The following HS3ST5 variants were observed in gnomAD, a reference collection of about 807,000 sequenced individuals.
The protein encoded by HS3ST5 is heparan sulfate-glucosamine 3-sulfotransferase 5.
In HS3ST5, 10 loss-of-function variants were observed where a neutral mutation model predicts 25.4. The observed-to-expected ratio is 0.39, with a 90% CI of 0.24 to 0.67. The LOEUF is 0.67. Ranked by LOEUF, HS3ST5 falls within the 30% of genes least tolerant of loss-of-function variation. HS3ST5 has a pLI of 0.44. For missense variants in HS3ST5, 324 were observed against 420.7 expected (o/e 0.77, Z 2.01); for synonymous variants, 170 against 162.4 (o/e 1.05, Z -0.36).
rs1772125460 is a variant in HS3ST5 at position 114,241,504 on chromosome 6, T to C, written c.-338-12726A>G. 2.0e-5 allele frequency among the ~76,000 whole-genome samples: 3 copies of C among 152,228 alleles called. No homozygotes were observed. The South Asian group carries it at 6.2e-4, about 32-fold the overall frequency. ...GAGATAAACACAGAGAAAAACAACT[T>C]TTCCATTCAACTTTTTTATCATAAA... On this transcript the variant is annotated intron_variant, in intron 1 of 4. Transcript: ENST00000312719.
chr6:114,229,029 A>G (rs1771444801), intron 1 of HS3ST5, among the ~76,000 whole-genome samples: 1 of 152,188 alleles, frequency 6.6e-6, no homozygotes, highest in Admixed American at 6.5e-5. Flanking sequence ...ATCAGGTGAT[A>G]TCATTACTAA....
chr6:114,254,789 C>T (rs1300923020), intron 1 of HS3ST5, among the ~76,000 whole-genome samples: 3 of 152,054 alleles, frequency 2.0e-5, no homozygotes, highest in South Asian at 2.1e-4. Context: ...CTCACTACCA[C>T]GAGAACAGTA....
At chr6:114,266,607 C>T (rs560099549) in intron 1 of HS3ST5, among the ~76,000 whole-genome samples, 2 of 152,246 alleles carry the variant, frequency 1.3e-5, no homozygotes, top group South Asian at 2.1e-4. Context: ...TTACGAAGAA[C>T]AGAAAACAAC....
intron 2 of HS3ST5, among the ~76,000 whole-genome samples, chr6:114,173,642 T>C (rs142164051): frequency 0.016 from 2,396 of 152,250 alleles, 58 homozygotes; most frequent in African/African-American, 0.054. Context: ...GTGGATCATC[T>C]GAGGTCAGGA....
intron 2 of HS3ST5, among the ~76,000 whole-genome samples, chr6:114,217,080 C>G (rs1038306045): frequency 6.6e-6 from 1 of 152,218 alleles, no homozygotes; most frequent in African/African-American, 2.4e-5. Context: ...ACTATTCTAA[C>G]TGGCCACATT....
rs559604781 is a variant in HS3ST5 at position 114,205,009 on chromosome 6, C to T, written c.-145+23576G>A. Among the ~76,000 whole-genome samples the T allele has an allele frequency of 4.6e-5, 7 of 152,256 alleles. No homozygotes were observed. The East Asian group carries it at 9.7e-4, about 21-fold the overall frequency. On this transcript the variant is annotated intron_variant, in intron 2 of 4. Coordinates refer to ENST00000312719, the MANE Select transcript of HS3ST5 (RefSeq NM_153612.4). ...CTCCATATGCCTTGAACCATGCTCACGGCCTTTTCTTGAGGGCATAGTGAA... is the reference window on the plus strand; with the variant it reads ...CTCCATATGCCTTGAACCATGCTCATGGCCTTTTCTTGAGGGCATAGTGAA...
intron 1 of HS3ST5, among the ~76,000 whole-genome samples, chr6:114,266,120 T>C (rs1773395246): frequency 6.6e-6 from 1 of 152,190 alleles, no homozygotes; most frequent in African/African-American, 2.4e-5. Context: ...CTTCCTATAT[T>C]CTGTTCTCTC....
intron 3 of HS3ST5, among the ~76,000 whole-genome samples, chr6:114,064,724 G>A (rs1773346996): frequency 2.0e-5 from 3 of 152,148 alleles, no homozygotes; most frequent in South Asian, 4.1e-4. Flanking sequence ...CCTACATACA[G>A]GATTAATGCA....
chr6:114,201,607 C>A (rs1014954411), intron 2 of HS3ST5, among the ~76,000 whole-genome samples: 1 of 152,134 alleles, frequency 6.6e-6, no homozygotes, highest in African/African-American at 2.4e-5. Flanking sequence ...GGCTGCATTC[C>A]TCACGTTCTT....
intron 1 of HS3ST5, among the ~76,000 whole-genome samples, chr6:114,241,064 A>T (rs1383681703): frequency 6.6e-6 from 1 of 151,452 alleles, no homozygotes; most frequent in Non-Finnish European, 1.5e-5. Flanking sequence ...TCACAAGGTG[A>T]TTCATACCTT....
intron 1 of HS3ST5, among the ~76,000 whole-genome samples, chr6:114,308,368 G>A (rs375598567): frequency 6.6e-6 from 1 of 152,038 alleles, no homozygotes; most frequent in Non-Finnish European, 1.5e-5. Flanking sequence ...GGCAGATCAC[G>A]AGGTCAGGAG....
chr6:114,207,038 A>G (rs896350619), intron 2 of HS3ST5, among the ~76,000 whole-genome samples: 5 of 152,222 alleles, frequency 3.3e-5, no homozygotes, highest in African/African-American at 7.2e-5. Context: ...ACTGTTTCCA[A>G]TAAGGTTATT....
intron 3 of HS3ST5, among the ~76,000 whole-genome samples, chr6:114,067,203 C>T (rs1470524317): frequency 6.6e-6 from 1 of 152,130 alleles, no homozygotes; most frequent in Non-Finnish European, 1.5e-5. Flanking sequence ...GGGGAAAAAT[C>T]CCAATATGCA....
At chr6:114,256,327 G>A (rs1162076289) in intron 1 of HS3ST5, among the ~76,000 whole-genome samples, 2 of 151,516 alleles carry the variant, frequency 1.3e-5, no homozygotes, top group African/African-American at 4.9e-5. Flanking sequence ...GGCAGAGCTT[G>A]CAGTGAGCCG....
chr6:114,205,663 C>T (rs1781243932), intron 2 of HS3ST5, among the ~76,000 whole-genome samples: 1 of 152,258 alleles, frequency 6.6e-6, no homozygotes, highest in East Asian at 1.9e-4. Context: ...TAGTCCTCAA[C>T]CTTTTTGGCA....
chr6:114,151,606 G>A (rs748401834), intron 3 of HS3ST5, among the ~76,000 whole-genome samples: 3 of 152,138 alleles, frequency 2.0e-5, no homozygotes, highest in African/African-American at 7.2e-5. Context: ...CTGGTAAATG[G>A]GATTCCAGTT....
chr6:114,273,134 A>T (rs1054033593), intron 1 of HS3ST5, among the ~76,000 whole-genome samples: 1 of 152,234 alleles, frequency 6.6e-6, no homozygotes, highest in Non-Finnish European at 1.5e-5. Flanking sequence ...AAATAATGCC[A>T]TTGAGAGATT....
chr6:114,064,228 T>C (rs1773320053), intron 3 of HS3ST5, among the ~76,000 whole-genome samples: 1 of 152,206 alleles, frequency 6.6e-6, no homozygotes, highest in Non-Finnish European at 1.5e-5. Context: ...AGGGATATAC[T>C]AGGATTGAGT....
intron 1 of HS3ST5, among the ~76,000 whole-genome samples, chr6:114,276,611 GA>G (rs11448440): frequency 6.9e-6 from 1 of 144,584 alleles, no homozygotes; most frequent in Non-Finnish European, 1.5e-5. Context: ...GAGAGTGTGG[GA>G]AAAAAAAAAA....
Sources: allele counts gnomAD v4.1 joint callset (sites outside exome capture counted in the v4.1 genomes callset), GRCh38; gene constraint gnomAD v4.1.1; transcripts MANE v1.5; gene names NCBI Gene and HGNC (gene_info 2026-07-23, HGNC 2026-07-21).